Variants in ACSL3 observed in about 807,000 individuals in gnomAD.
The protein encoded by ACSL3 is fatty acid CoA ligase Acsl3.
A neutral mutation model predicts 84.7 loss-of-function variants in ACSL3; 34 were observed. The ratio of observed to expected loss-of-function variants is 0.40; its 90% CI spans 0.31 to 0.53. The LOEUF is 0.53. Ranked by LOEUF, ACSL3 falls within the 20% of genes least tolerant of loss-of-function variation. The pLI, the probability that ACSL3 is intolerant of heterozygous loss-of-function variation, is 0.48. For missense variants in ACSL3, 680 were observed against 873.1 expected (o/e 0.78, Z 2.79); for synonymous variants, 315 against 299.4 (o/e 1.05, Z -0.54).
At chr2:222,878,942 G>C (rs1695523839) in intron 1 of ACSL3, among the ~76,000 whole-genome samples, 2 of 152,158 alleles carry the variant, frequency 1.3e-5, no homozygotes, top group South Asian at 2.1e-4. Flanking sequence ...CACTTGGGCT[G>C]TGGTAATAAC....
At chr2:222,878,235 T>G (rs1428018213) in intron 1 of ACSL3, among the ~76,000 whole-genome samples, 1 of 152,216 alleles carries the variant, frequency 6.6e-6, no homozygotes. Context: ...AAATCTCATA[T>G]CAGAATGACC....
At chr2:222,884,870 CA>C (rs896520950) in intron 1 of ACSL3, among the ~76,000 whole-genome samples, 12 of 152,158 alleles carry the variant, frequency 7.9e-5, no homozygotes, top group Middle Eastern at 3.4e-3. Flanking sequence ...TCTGCTTGAA[CA>C]AAAATACATG....
chr2:222,877,783 G>A (rs1695488203), intron 1 of ACSL3, among the ~76,000 whole-genome samples: 1 of 152,134 alleles, frequency 6.6e-6, no homozygotes, highest in African/African-American at 2.4e-5. Flanking sequence ...CTTGATGCAT[G>A]GATAATTTAC....
chr2:222,929,194 A>C (rs1696959091), intron 13 of ACSL3, among the ~76,000 whole-genome samples: 1 of 152,250 alleles, frequency 6.6e-6, no homozygotes, highest in Admixed American at 6.5e-5. Context: ...TGAGAAATGT[A>C]CTAATAAGTG....
At chr2:222,920,284 C>T (rs894002689) in intron 7 of ACSL3, among the ~76,000 whole-genome samples, 3 of 152,126 alleles carry the variant, frequency 2.0e-5, no homozygotes, top group Admixed American at 6.5e-5. Flanking sequence ...ATTGGGAGTA[C>T]ATTTAAATAA....
chr2:222,936,013 G>A (rs888639341), intron 16 of ACSL3, among the ~76,000 whole-genome samples: 6 of 151,902 alleles, frequency 3.9e-5, no homozygotes, highest in East Asian at 1.9e-4. Flanking sequence ...GGAATCATAC[G>A]GTATTTATTC....
intron 1 of ACSL3, among the ~76,000 whole-genome samples, chr2:222,882,759 C>CTTTTTTTTTT (rs1559280568): frequency 1.6e-5 from 1 of 60,994 alleles, no homozygotes; most frequent in African/African-American, 7.6e-5. Context: ...CTCCAGATCA[C>CTTTTTTTTTT]TGTTTTTTTT....
intron 12 of ACSL3, among the ~76,000 whole-genome samples, chr2:222,927,791 C>G (rs2106135658): frequency 6.6e-6 from 1 of 152,286 alleles, no homozygotes; most frequent in Non-Finnish European, 1.5e-5. Flanking sequence ...TGTGCTTCTC[C>G]TACTTTGTAT....
At chr2:222,906,805 G>A (rs1436223335) in intron 3 of ACSL3, among the ~76,000 whole-genome samples, 1 of 152,074 alleles carries the variant, frequency 6.6e-6, no homozygotes, top group African/African-American at 2.4e-5. Flanking sequence ...AGTAGAGACG[G>A]GGTTTCACTG....
chr2:222,921,619 TATATC>T lies in ACSL3; in HGVS notation c.956+194_956+198del, dbSNP rs915865686. 4.5e-4 allele frequency among the ~76,000 whole-genome samples: 68 copies of T among 152,292 alleles called. 1 individual carries two copies. The highest frequency in any genetic ancestry group is 6.8e-3 in the Middle Eastern group (2 of 292). ...ATAGTTATAGTTGTGAGGTTGAAAA[TATATC>T]ATATAGATATATTTTAAAAAGTACA... On this transcript the variant is annotated intron_variant, in intron 8 of 16. Coordinates refer to ENST00000357430, the MANE Select transcript of ACSL3 (RefSeq NM_004457.5).
chr2:222,934,592 G>A lies in ACSL3; in HGVS notation c.1910G>A (p.Arg637Gln), dbSNP rs531866665. 54 of 1,603,930 alleles carry A rather than the reference G, an allele frequency of 3.4e-5. 1 individual carries two copies. Among genetic ancestry groups the A allele is most frequent in the East Asian group, 1.8e-4 (8 of 44,598 alleles). Residue 637 changes from arginine to glutamine, a missense_variant, in exon 16 of 17, where the codon CGA becomes CAA. Transcript: ENST00000357430. The part of the protein sequence containing the change: ...PNQKELTELA[R>Q]KKGLKGTWEE... ...CAAAAGGAACTAACTGAACTAGCTC[G>A]AAAGAAAGGACTTAAAGGGACTTGG...
At chr2:222,939,634 A>G (rs184260417) in intron 16 of ACSL3, among the ~76,000 whole-genome samples, 3 of 152,274 alleles carry the variant, frequency 2.0e-5, no homozygotes, top group East Asian at 1.9e-4. Flanking sequence ...TTTCTTCCCT[A>G]TTACTTTGTA....
At position 222,934,557 on chromosome 2, in the gene ACSL3, T is replaced by G. The variant is rs201943989; in HGVS notation, c.1875T>G (p.Val625=). The part of the protein sequence containing the change: ...NSYHSYVIGF[V]VPNQKELTEL... ...ATCATTCTTATGTCATTGGATTTGT[T>G]GTGCCAAATCAAAAGGAACTAACTG... The change falls in exon 16 of 17, where the codon GTT becomes GTG. Residue 625 remains valine (V), a synonymous_variant. Coordinates refer to ENST00000357430, the MANE Select transcript of ACSL3 (RefSeq NM_004457.5). 24 of 1,583,560 alleles carry G rather than the reference T, an allele frequency of 1.5e-5. No homozygotes were observed. The East Asian group carries it at 5.4e-4, about 36-fold the overall frequency.
At position 222,901,964 on chromosome 2, in the gene ACSL3, A is replaced by AAAAAAAAAAAGG. The variant is rs57522671; in HGVS notation, c.-41+1184_-41+1185insAAAAAAAAAAGG. On this transcript the variant is annotated intron_variant, in intron 3 of 16. Transcript: ENST00000357430. ...GTCTCAAAAAAAAAAAAAAAAAAAA[A>AAAAAAAAAAAGG]GAACTCAAATATTGTTGAGGTAGCA... 1.7e-4 allele frequency among the ~76,000 whole-genome samples: 17 copies of AAAAAAAAAAAGG among 99,452 alleles called. 4 individuals carry two copies. The highest frequency in any genetic ancestry group is 3.9e-4 in the East Asian group (1 of 2,562). 65.2% of individuals were successfully genotyped at this position (99,452 alleles called of 152,430 possible). A position where few individuals can be genotyped will look rare whatever the true frequency, so the allele number is the denominator to read the frequency against.
intron 1 of ACSL3, among the ~76,000 whole-genome samples, chr2:222,864,060 TA>T (rs1198342373): frequency 7.2e-5 from 11 of 152,084 alleles, no homozygotes. Context: ...AAAATGGAGA[TA>T]AAAAATTGTC....
Position 222,943,110 on chromosome 2 carries a change from A to AAAG in ACSL3, c.*1458_*1459insGAA. ...CAAAAAAAAAAAAAACAAAAACAAAAAAAAAGATGAACCTAGGTCTGTGTA... is the reference window on the plus strand; with the variant it reads ...CAAAAAAAAAAAAAACAAAAACAAAAAAGAAAAAGATGAACCTAGGTCTGTGTA... On this transcript the variant is annotated 3_prime_UTR_variant, in exon 17 of 17. Coordinates refer to ENST00000357430, the MANE Select transcript of ACSL3 (RefSeq NM_004457.5). 6.6e-6 allele frequency: 1 copy of AAAG among 151,190 alleles called. No homozygotes were observed. Among genetic ancestry groups the AAAG allele is most frequent in the Non-Finnish European group, 1.3e-5 (1 of 79,730 alleles). The allele number at this position is 151,190 out of a possible 1,614,324, so 9.4% of individuals were successfully genotyped here. A position where few individuals can be genotyped will look rare whatever the true frequency, so the allele number is the denominator to read the frequency against.
Position 222,930,802 on chromosome 2 carries a change from A to G in ACSL3, c.1722A>G (p.Leu574=), listed in dbSNP as rs150077444. 3.8e-6 allele frequency: 6 copies of G among 1,598,108 alleles called. No individual in the cohort carries two copies. In the African/African-American group the frequency reaches 5.4e-5, roughly 14 times the overall value. The change falls in exon 14 of 17, where the codon TTA becomes TTG. Residue 574 remains leucine (L), a synonymous_variant. Transcript: ENST00000357430. ...DIGEFEPDGC[L]KIIDRKKDLV... ...GAGAGTTTGAACCCGATGGATGCTT[A>G]AAGATTATTGGTAAGTCATCTAATA...
At chr2:222,883,071 A>G (rs2106095666) in intron 1 of ACSL3, among the ~76,000 whole-genome samples, 1 of 151,346 alleles carries the variant, frequency 6.6e-6, no homozygotes, top group South Asian at 2.1e-4. Context: ...CCTGGCCCAA[A>G]TCACACTTTT....
intron 7 of ACSL3, among the ~76,000 whole-genome samples, chr2:222,920,215 C>A (rs142602446): frequency 9.5e-4 from 145 of 152,086 alleles, no homozygotes; most frequent in Non-Finnish European, 1.8e-3. Flanking sequence ...GTAAAGACTT[C>A]CAAGTGTAAA....
Sources: allele counts gnomAD v4.1 joint callset (sites outside exome capture counted in the v4.1 genomes callset), GRCh38; gene constraint gnomAD v4.1.1; transcripts MANE v1.5; gene names NCBI Gene and HGNC (gene_info 2026-07-23, HGNC 2026-07-21).